Variants in ZFHX3 observed in about 807,000 individuals in gnomAD.
ZFHX3 encodes the protein zinc finger homeobox protein 3.
ZFHX3 carries 42 observed loss-of-function variants against 279.1 expected under a neutral mutation model. That is an observed-to-expected ratio of 0.15 (90% CI 0.12 to 0.19). ZFHX3 has a LOEUF of 0.19. ZFHX3 is among the 10% of genes least tolerant of loss of function. ZFHX3 has a pLI of 1.00. For synonymous variants in ZFHX3, 2,293 were observed against 1,957.8 expected (o/e 1.17, Z -4.52); for missense variants, 4,981 against 4,754.0 (o/e 1.05, Z -1.40).
chr16:73,082,645 G>A (rs1597150575), intron 8 of ZFHX3, among the ~76,000 whole-genome samples: 2 of 152,242 alleles, frequency 1.3e-5, no homozygotes, highest in East Asian at 3.9e-4. Flanking sequence ...AGATCCTGGA[G>A]TGAATACTGG....
At chr16:73,112,408 AGG>A (rs1263148183) in intron 7 of ZFHX3, among the ~76,000 whole-genome samples, 10 of 152,088 alleles carry the variant, frequency 6.6e-5, no homozygotes, top group Non-Finnish European at 1.3e-4. Context: ...CCAGGCAGGA[AGG>A]ATTTAAAAAA....
At chr16:72,901,466 C>G (rs1460472615) in intron 3 of ZFHX3, among the ~76,000 whole-genome samples, 1 of 152,176 alleles carries the variant, frequency 6.6e-6, no homozygotes, top group African/African-American at 2.4e-5. Context: ...AGGAGGTAAG[C>G]AGCACCCACA....
At chr16:73,318,341 A>C (rs962000559) in intron 3 of ZFHX3, 1 of 152,116 alleles carries the variant, frequency 6.6e-6, no homozygotes, top group African/African-American at 2.4e-5. Flanking sequence ...GGCCACCTGC[A>C]CGTGTCCAGG....
In ZFHX3 at chr16:73,661,975, T is replaced by G. The variant is rs1046238812; in HGVS notation, c.-1547+18205A>C. On this transcript the variant is annotated intron_variant, in intron 2 of 17. Coordinates refer to the ZFHX3 transcript ENST00000641206. ...ACGTAGGTCATTCTTTTTTTTTTGTTTTTTTTTTTAAGGATAGACACAACG... is the reference window on the plus strand; with the variant it reads ...ACGTAGGTCATTCTTTTTTTTTTGTGTTTTTTTTTAAGGATAGACACAACG... Among the ~76,000 whole-genome samples, 105 of 57,840 alleles carry G rather than the reference T, an allele frequency of 1.8e-3. 2 individuals are homozygous for G. In the South Asian group the frequency reaches 0.046, roughly 25 times the overall value. The allele number at this position is 57,840 out of a possible 152,430, so 37.9% of individuals were successfully genotyped here.
chr16:72,865,710 C>T (rs1301853171), intron 4 of ZFHX3, among the ~76,000 whole-genome samples: 2 of 152,196 alleles, frequency 1.3e-5, no homozygotes, highest in Non-Finnish European at 1.5e-5. Flanking sequence ...CACCTCCAAA[C>T]TCATCACAAA....
chr16:73,764,418 C>T (rs1425313265), intron 1 of ZFHX3, among the ~76,000 whole-genome samples: 3 of 152,066 alleles, frequency 2.0e-5, no homozygotes, highest in Non-Finnish European at 4.4e-5. Flanking sequence ...GGCTCTCTAA[C>T]GTCCATCACA....
intron 2 of ZFHX3, among the ~76,000 whole-genome samples, chr16:73,610,412 C>G (rs2052233486): frequency 6.6e-6 from 1 of 152,098 alleles, no homozygotes; most frequent in South Asian, 2.1e-4. Context: ...CATGTTTGTT[C>G]CCAAGCTATC....
intron 1 of ZFHX3, among the ~76,000 whole-genome samples, chr16:73,815,082 CAT>C (rs1567419411): frequency 6.6e-6 from 1 of 152,198 alleles, no homozygotes; most frequent in African/African-American, 2.4e-5. Context: ...CGGATGTAAA[CAT>C]GTGCAAAGCA....
chr16:73,075,581 A>G (rs1237218943), intron 8 of ZFHX3, among the ~76,000 whole-genome samples: 1 of 152,150 alleles, frequency 6.6e-6, no homozygotes, highest in Non-Finnish European at 1.5e-5. Flanking sequence ...TAAATAAATT[A>G]AAAATATATA....
At chr16:73,515,846 T>C (rs945715563) in intron 2 of ZFHX3, among the ~76,000 whole-genome samples, 1 of 152,220 alleles carries the variant, frequency 6.6e-6, no homozygotes, top group African/African-American at 2.4e-5. Flanking sequence ...AATGATTATG[T>C]GGCTGGACTG....
intron 2 of ZFHX3, among the ~76,000 whole-genome samples, chr16:73,589,566 C>T (rs1015615972): frequency 6.7e-6 from 1 of 149,976 alleles, no homozygotes; most frequent in Non-Finnish European, 1.5e-5. Context: ...CCCGTCTCTA[C>T]TAAAAACACA....
chr16:73,661,554 C>G (rs1212142864), intron 2 of ZFHX3, among the ~76,000 whole-genome samples: 1 of 152,018 alleles, frequency 6.6e-6, no homozygotes, highest in Non-Finnish European at 1.5e-5. Context: ...AACCCTGTCT[C>G]TACAAAAAAT....
intron 4 of ZFHX3, among the ~76,000 whole-genome samples, chr16:72,867,246 C>T (rs892506324): frequency 2.0e-5 from 3 of 152,134 alleles, no homozygotes; most frequent in Non-Finnish European, 4.4e-5. Context: ...TCAATAATGT[C>T]AGTGTGGCAT....
chr16:73,658,491 C>T (rs2052745819), intron 2 of ZFHX3, among the ~76,000 whole-genome samples: 1 of 152,216 alleles, frequency 6.6e-6, no homozygotes, highest in South Asian at 2.1e-4. Context: ...CTGATAGAGA[C>T]AGGTTTTCAC....
chr16:72,980,615 A>AG (rs1567616826), intron 1 of ZFHX3, among the ~76,000 whole-genome samples: 1 of 143,816 alleles, frequency 7.0e-6, no homozygotes, highest in East Asian at 2.0e-4. Flanking sequence ...AAAAAAAAAA[A>AG]ACAAAAACAG....
intron 1 of ZFHX3, among the ~76,000 whole-genome samples, chr16:73,707,991 C>T (rs891049027): frequency 6.7e-6 from 1 of 150,310 alleles, no homozygotes; most frequent in Non-Finnish European, 1.5e-5. Flanking sequence ...GCAAAATATT[C>T]AGATTTGGCA....
At chr16:73,407,082 A>G (rs1420190671) in intron 3 of ZFHX3, among the ~76,000 whole-genome samples, 1 of 152,166 alleles carries the variant, frequency 6.6e-6, no homozygotes, top group Non-Finnish European at 1.5e-5. Context: ...ATGTTTACAT[A>G]TATTTTTGGT....
intron 4 of ZFHX3, among the ~76,000 whole-genome samples, chr16:73,258,073 A>G (rs1364199442): frequency 1.3e-5 from 2 of 152,152 alleles, no homozygotes; most frequent in African/African-American, 2.4e-5. Context: ...ATTAAGAACC[A>G]CTGGAGTACA....
At chr16:73,728,049 A>G (rs115047883) in intron 1 of ZFHX3, among the ~76,000 whole-genome samples, 2,218 of 111,930 alleles carry the variant, frequency 0.02, 52 homozygotes, top group African/African-American at 0.069. Context: ...CATATGTTGA[A>G]GTTGTAACTC....
Sources: gnomAD v4.1 joint callset for allele counts (sites outside exome capture counted in the v4.1 genomes callset) on GRCh38, gnomAD v4.1.1 for gene constraint, MANE v1.5 for transcripts, NCBI Gene and HGNC (gene_info 2026-07-23, HGNC 2026-07-21) for gene names.